OR2L13: variants seen among roughly 807,000 people sequenced by gnomAD.
OR2L13 encodes the protein olfactory receptor family 2 subfamily L member 13, also known as olfactory receptor 2L13.
OR2L13 carries 14 observed loss-of-function variants against 15.3 expected under a neutral mutation model. The observed-to-expected ratio is 0.91, with a 90% CI of 0.60 to 1.43. The LOEUF (loss-of-function observed/expected upper bound fraction) is 1.43. Ranked by LOEUF, OR2L13 falls within the 40% of genes most tolerant of loss-of-function variation. OR2L13 has a pLI of 0.00. For missense variants in OR2L13, 367 were observed against 387.9 expected, an observed-to-expected ratio of 0.95 and a Z score of 0.45; for synonymous variants, 152 against 142.9, an observed-to-expected ratio of 1.06 and a Z score of -0.45.
chr1:248,001,887 A>G, the OR2L13 span, among the ~76,000 whole-genome samples: 1 of 152,196 alleles, frequency 6.6e-6, no homozygotes, highest in South Asian at 2.1e-4. Context: ...AATGTAAACC[A>G]TATCTTGGAC....
chr1:248,059,521 C>T, the OR2L13 span, among the ~76,000 whole-genome samples: 1 of 152,062 alleles, frequency 6.6e-6, no homozygotes, highest in African/African-American at 2.4e-5. Context: ...TGAAATTAGG[C>T]AAGGAGGCAA....
the OR2L13 span, among the ~76,000 whole-genome samples, chr1:248,050,305 G>A: frequency 6.6e-6 from 1 of 151,662 alleles, no homozygotes; most frequent in Non-Finnish European, 1.5e-5. Flanking sequence ...TTCTTAATAG[G>A]CTAAAATACC....
the OR2L13 span, among the ~76,000 whole-genome samples, chr1:248,028,911 C>T: frequency 6.6e-6 from 1 of 152,190 alleles, no homozygotes; most frequent in Non-Finnish European, 1.5e-5. Context: ...ACTGTGAAAA[C>T]AGTACCGTGG....
chr1:247,951,057 C>T, the OR2L13 span, among the ~76,000 whole-genome samples: 1 of 104,938 alleles, frequency 9.5e-6, no homozygotes, highest in Non-Finnish European at 2.2e-5. Flanking sequence ...TATTATGTAT[C>T]CATAGTGATT....
the OR2L13 span, chr1:247,990,741 C>T: frequency 1.9e-6 from 3 of 1,585,196 alleles, no homozygotes; most frequent in Non-Finnish European, 2.6e-6. Flanking sequence ...CTTGTGCTCA[C>T]ACGGTATATG....
the OR2L13 span, chr1:248,003,733 T>C: frequency 1.1e-5 from 17 of 1,613,836 alleles, no homozygotes; most frequent in Admixed American, 1.2e-4. Flanking sequence ...TGCTTTTGAG[T>C]GCCACCATCT....
At chr1:248,076,044 T>A in the OR2L13 span, among the ~76,000 whole-genome samples, 3 of 152,306 alleles carry the variant, frequency 2.0e-5, no homozygotes, top group Non-Finnish European at 4.4e-5. Context: ...AAGGGAGGGA[T>A]CCAGTTTCAG....
At chr1:248,037,043 TAGAG>T in the OR2L13 span, among the ~76,000 whole-genome samples, 4 of 152,114 alleles carry the variant, frequency 2.6e-5, no homozygotes, top group East Asian at 7.7e-4. Context: ...GATATTGAGA[TAGAG>T]AGTCTGCATT....
chr1:248,045,691 C>A, the OR2L13 span: 1 of 152,184 alleles, frequency 6.6e-6, no homozygotes, highest in African/African-American at 2.4e-5. Flanking sequence ...AACATCTGCA[C>A]ACTTTGACTT....
chr1:247,971,468 T>C, the OR2L13 span, among the ~76,000 whole-genome samples: 1 of 152,326 alleles, frequency 6.6e-6, no homozygotes, highest in Middle Eastern at 3.4e-3. Flanking sequence ...TTTATTCCCA[T>C]AAACATTGAC....
the OR2L13 span, among the ~76,000 whole-genome samples, chr1:247,960,373 G>A: frequency 6.6e-6 from 1 of 152,166 alleles, no homozygotes; most frequent in African/African-American, 2.4e-5. Flanking sequence ...TCCCATTTAG[G>A]CTACTCAGGG....
chr1:247,994,566 G>T, the OR2L13 span, among the ~76,000 whole-genome samples: 1 of 152,122 alleles, frequency 6.6e-6, no homozygotes, highest in East Asian at 1.9e-4. Flanking sequence ...AAAATAAGTG[G>T]AATAGATAGA....
the OR2L13 span, among the ~76,000 whole-genome samples, chr1:248,050,853 A>AT: frequency 6.6e-6 from 1 of 151,976 alleles, no homozygotes; most frequent in African/African-American, 2.4e-5. Flanking sequence ...GCTCTTCTAA[A>AT]TTTTTTTTCA....
the OR2L13 span, chr1:248,061,307 C>T: frequency 6.2e-7 from 1 of 1,613,118 alleles, no homozygotes; most frequent in Non-Finnish European, 8.5e-7. Context: ...CTCGTGTTTC[C>T]CTTCATTGCT....
At chr1:248,022,969 G>T in the OR2L13 span, 4 of 1,234,542 alleles carry the variant, frequency 3.2e-6, no homozygotes, top group South Asian at 1.6e-5. Flanking sequence ...ATTATTACAT[G>T]CCCAGTATGT....
the OR2L13 span, among the ~76,000 whole-genome samples, chr1:247,947,292 G>A: frequency 6.6e-6 from 1 of 152,152 alleles, no homozygotes; most frequent in Non-Finnish European, 1.5e-5. Context: ...TAAAGTCAGT[G>A]TATTTATGCA....
chr1:248,041,926 C>T, the OR2L13 span: 1 of 152,136 alleles, frequency 6.6e-6, no homozygotes, highest in Non-Finnish European at 1.5e-5. Flanking sequence ...ACTAGTTCAA[C>T]CATTGTGGAA....
At chr1:248,022,733 A>G in the OR2L13 span, 5 of 1,614,034 alleles carry the variant, frequency 3.1e-6, no homozygotes, top group Non-Finnish European at 3.4e-6. Flanking sequence ...TATGTCCAAG[A>G]TCCCTGCGAT....
upstream of OR2L13, chr1:248,095,354 A>T (rs1664691812): frequency 6.6e-6 from 1 of 152,158 alleles, no homozygotes; most frequent in Non-Finnish European, 1.5e-5. Context: ...CACCATAAAG[A>T]CAATGACTAG....
Sources: gnomAD v4.1 joint callset for allele counts (sites outside exome capture counted in the v4.1 genomes callset) on GRCh38, gnomAD v4.1.1 for gene constraint, MANE v1.5 for transcripts, NCBI Gene and HGNC (gene_info 2026-07-23, HGNC 2026-07-21) for gene names.